ZNF609: variants seen among roughly 807,000 people sequenced by gnomAD.
ZNF609 encodes the protein zinc finger protein 609.
ZNF609 carries 11 observed loss-of-function variants against 109.5 expected under a neutral mutation model. That is an observed-to-expected ratio of 0.10 (90% CI 0.06 to 0.17). The LOEUF (loss-of-function observed/expected upper bound fraction) is 0.17. Among genes scored for constraint, ZNF609 ranks in the 10% least tolerant of loss-of-function variants. The pLI, the probability that ZNF609 is intolerant of heterozygous loss-of-function variation, is 1.00. For synonymous variants in ZNF609, 646 were observed against 662.0 expected (o/e 0.98, Z 0.37); for missense variants, 1,559 against 1,772.4 (o/e 0.88, Z 2.16).
At chr15:64,588,925 T>G (rs1895248980) in intron 2 of ZNF609, among the ~76,000 whole-genome samples, 1 of 152,192 alleles carries the variant, frequency 6.6e-6, no homozygotes, top group African/African-American at 2.4e-5. Context: ...ATTATAGGCA[T>G]GAGCCACCAT....
intron 3 of ZNF609, among the ~76,000 whole-genome samples, chr15:64,636,319 T>C (rs1896174770): frequency 6.6e-6 from 1 of 152,164 alleles, no homozygotes; most frequent in Non-Finnish European, 1.5e-5. Flanking sequence ...GCCTTCTCCA[T>C]AGCAACAAGC....
chr15:64,579,076 A>C (rs1358702419), intron 2 of ZNF609, among the ~76,000 whole-genome samples: 1 of 139,086 alleles, frequency 7.2e-6, no homozygotes, highest in African/African-American at 3.4e-5. Context: ...ATTATAAAAC[A>C]AAAAAGATTT....
chr15:64,561,043 C>G (rs564945474), intron 2 of ZNF609, among the ~76,000 whole-genome samples: 2 of 152,148 alleles, frequency 1.3e-5, no homozygotes, highest in Non-Finnish European at 2.9e-5. Context: ...TTAAACTGAT[C>G]TTACCATTAT....
intron 2 of ZNF609, among the ~76,000 whole-genome samples, chr15:64,541,438 A>G (rs1469903837): frequency 1.3e-5 from 2 of 151,526 alleles, no homozygotes; most frequent in Admixed American, 1.3e-4. Context: ...AAAAAAAAAA[A>G]AAAAAAAGAA....
At chr15:64,671,598 A>G (rs1896731985) in intron 4 of ZNF609, among the ~76,000 whole-genome samples, 1 of 152,150 alleles carries the variant, frequency 6.6e-6, no homozygotes, top group South Asian at 2.1e-4. Flanking sequence ...CTTTAGATGG[A>G]TATTTCAATC....
At chr15:64,549,946 A>C (rs757799103) in intron 2 of ZNF609, among the ~76,000 whole-genome samples, 13 of 151,964 alleles carry the variant, frequency 8.6e-5, no homozygotes, top group Non-Finnish European at 1.9e-4. Flanking sequence ...TCACCACGCC[A>C]AACTAATTTT....
At chr15:64,485,025 A>G (rs1202950482) in intron 1 of ZNF609, among the ~76,000 whole-genome samples, 1 of 152,212 alleles carries the variant, frequency 6.6e-6, no homozygotes, top group African/African-American at 2.4e-5. Context: ...TCGCAAAATT[A>G]ACTTAGTGTA....
At chr15:64,569,659 T>G (rs1158304283) in intron 2 of ZNF609, among the ~76,000 whole-genome samples, 2 of 152,252 alleles carry the variant, frequency 1.3e-5, no homozygotes, top group Non-Finnish European at 2.9e-5. Context: ...ACAGTGAGTC[T>G]CCTTGTGAAA....
intron 1 of ZNF609, among the ~76,000 whole-genome samples, chr15:64,472,346 A>G (rs1464541960): frequency 6.6e-6 from 1 of 152,250 alleles, no homozygotes; most frequent in Non-Finnish European, 1.5e-5. Context: ...TGAGGCAGTT[A>G]GTCCATATTG....
intron 2 of ZNF609, among the ~76,000 whole-genome samples, chr15:64,523,536 G>C (rs1893923814): frequency 6.6e-6 from 1 of 152,054 alleles, no homozygotes; most frequent in Non-Finnish European, 1.5e-5. Flanking sequence ...AGCACTTCGG[G>C]AGGCTGAGGC....
chr15:64,606,657 A>G (rs1186091767), intron 2 of ZNF609, among the ~76,000 whole-genome samples: 1 of 152,076 alleles, frequency 6.6e-6, no homozygotes, highest in Non-Finnish European at 1.5e-5. Flanking sequence ...GCAGTCCTCC[A>G]ACCTTGGCCT....
At chr15:64,529,777 C>T (rs866823470) in intron 2 of ZNF609, 3 of 504,660 alleles carry the variant, frequency 5.9e-6, no homozygotes, top group Admixed American at 2.5e-5. Flanking sequence ...GTTACCCAGG[C>T]TGGAGTGCAA....
chr15:64,549,318 G>A lies in ZNF609; in HGVS notation c.747+49152G>A, dbSNP rs187393700. Among the ~76,000 whole-genome samples the A allele has an allele frequency of 3.3e-5, 5 of 152,162 alleles. No homozygotes were observed. The South Asian group carries it at 1.0e-3, about 32-fold the overall frequency. On this transcript the variant is annotated intron_variant, in intron 2 of 9. Transcript: ENST00000326648. ...CAATTCTCCTGCCTCAGCCTCCAGA[G>A]TAGCTGGGATTACAGGTGCACACCA...
chr15:64,537,549 TC>T (rs1270392216), intron 2 of ZNF609, among the ~76,000 whole-genome samples: 1 of 143,300 alleles, frequency 7.0e-6, no homozygotes, highest in Non-Finnish European at 1.5e-5. Flanking sequence ...TGAGACTCCA[TC>T]AAAAAAAAGA....
chr15:64,535,240 A>G (rs1894121993), intron 2 of ZNF609, among the ~76,000 whole-genome samples: 1 of 151,984 alleles, frequency 6.6e-6, no homozygotes, highest in Non-Finnish European at 1.5e-5. Context: ...TGTAGATATG[A>G]GGTCTTGCTA....
At chr15:64,625,121 G>GT (rs1447765486) in intron 3 of ZNF609, among the ~76,000 whole-genome samples, 1 of 152,028 alleles carries the variant, frequency 6.6e-6, no homozygotes, top group African/African-American at 2.4e-5. Flanking sequence ...TTGCAACTTT[G>GT]TTTATCATTT....
chr15:64,609,483 A>AT (rs199729334), intron 2 of ZNF609, among the ~76,000 whole-genome samples: 2,966 of 150,040 alleles, frequency 0.02, 55 homozygotes, highest in Middle Eastern at 0.031. Flanking sequence ...GCCCGGCCGT[A>AT]TTTTTTTATA....
At chr15:64,481,993 C>T (rs1431146365) in intron 1 of ZNF609, among the ~76,000 whole-genome samples, 10 of 152,100 alleles carry the variant, frequency 6.6e-5, no homozygotes, top group Non-Finnish European at 2.9e-5. Context: ...CCATGTTGAT[C>T]AGGCTGGTCT....
intron 1 of ZNF609, among the ~76,000 whole-genome samples, chr15:64,473,069 C>G (rs768150469): frequency 6.6e-5 from 10 of 151,894 alleles, no homozygotes; most frequent in Non-Finnish European, 1.0e-4. Flanking sequence ...TTTGTTTCTA[C>G]TTGGCATATG....
Sources: gnomAD v4.1 joint callset for allele counts (sites outside exome capture counted in the v4.1 genomes callset) on GRCh38, gnomAD v4.1.1 for gene constraint, MANE v1.5 for transcripts, NCBI Gene and HGNC (gene_info 2026-07-23, HGNC 2026-07-21) for gene names.